The following GRID2 variants were observed in gnomAD, a reference collection of about 807,000 sequenced individuals.
GRID2 encodes glutamate ionotropic receptor delta type subunit 2, also known as glutamate receptor ionotropic, delta-2.
GRID2 carries 33 observed loss-of-function variants against 114.8 expected under a neutral mutation model. The observed-to-expected ratio is 0.29, with a 90% CI of 0.22 to 0.38. The LOEUF (loss-of-function observed/expected upper bound fraction) is 0.38, where lower values mean the gene tolerates loss of function less well. GRID2 is among the 10% of genes least tolerant of loss of function. The pLI, the probability that GRID2 is intolerant of heterozygous loss-of-function variation, is 1.00. For synonymous variants in GRID2, 505 were observed against 449.9 expected, an observed-to-expected ratio of 1.12 and a Z score of -1.55; for missense variants, 1,184 against 1,257.7, an observed-to-expected ratio of 0.94 and a Z score of 0.89.
chr4:93,006,595 GA>G (rs35210074), intron 2 of GRID2, among the ~76,000 whole-genome samples: 15 of 141,552 alleles, frequency 1.1e-4, no homozygotes, highest in South Asian at 4.4e-4. Context: ...AGGCCCTACT[GA>G]AAAAAAAAAG....
chr4:93,657,477 C>G (rs746935748), intron 14 of GRID2, among the ~76,000 whole-genome samples: 45 of 152,254 alleles, frequency 3.0e-4, no homozygotes, highest in Non-Finnish European at 5.7e-4. Context: ...TATCATGGAA[C>G]TATTCGATTT....
intron 14 of GRID2, among the ~76,000 whole-genome samples, chr4:93,626,856 A>G (rs1742780059): frequency 6.6e-6 from 1 of 152,220 alleles, no homozygotes; most frequent in Non-Finnish European, 1.5e-5. Flanking sequence ...GATGGACTGA[A>G]GCAGATAATG....
chr4:93,504,576 A>C (rs1728443742), intron 12 of GRID2, among the ~76,000 whole-genome samples: 1 of 152,092 alleles, frequency 6.6e-6, no homozygotes, highest in Non-Finnish European at 1.5e-5. Context: ...ATATGTGATA[A>C]TCACTCAGAG....
intron 2 of GRID2, among the ~76,000 whole-genome samples, chr4:92,992,178 A>G (rs544059781): frequency 1.3e-5 from 2 of 152,308 alleles, no homozygotes; most frequent in South Asian, 4.1e-4. Context: ...TTTATCTCAG[A>G]GGATGAGCCA....
intron 2 of GRID2, among the ~76,000 whole-genome samples, chr4:93,019,870 A>T (rs1282292543): frequency 6.6e-6 from 1 of 152,182 alleles, no homozygotes; most frequent in Non-Finnish European, 1.5e-5. Context: ...TACAGCCATT[A>T]TACATCCATA....
chr4:93,707,476 A>G (rs1018663359), intron 14 of GRID2, among the ~76,000 whole-genome samples: 2 of 151,916 alleles, frequency 1.3e-5, no homozygotes, highest in Non-Finnish European at 2.9e-5. Flanking sequence ...AGATTTTCCA[A>G]TTTGTTGGCA....
At chr4:93,685,953 C>T (rs1726041138) in intron 14 of GRID2, among the ~76,000 whole-genome samples, 1 of 152,026 alleles carries the variant, frequency 6.6e-6, no homozygotes, top group South Asian at 2.1e-4. Context: ...GATACAGTGT[C>T]TGACATAAGT....
chr4:93,780,371 T>A (rs1044296552), intron 1 of GRID2, among the ~76,000 whole-genome samples: 4 of 152,166 alleles, frequency 2.6e-5, no homozygotes, highest in African/African-American at 4.8e-5. Flanking sequence ...AGCGAGACGA[T>A]CAATTCAGCT....
intron 2 of GRID2, among the ~76,000 whole-genome samples, chr4:93,053,050 A>T (rs1726874358): frequency 6.6e-6 from 1 of 151,656 alleles, no homozygotes; most frequent in Non-Finnish European, 1.5e-5. Context: ...GAAGAAATGT[A>T]CTCCCCTACC....
chr4:93,236,484 A>T (rs1405024246), intron 7 of GRID2, among the ~76,000 whole-genome samples: 1 of 151,910 alleles, frequency 6.6e-6, no homozygotes, highest in East Asian at 1.9e-4. Flanking sequence ...GCTTCAGGAC[A>T]TTTTCTGAGG....
intron 1 of GRID2, among the ~76,000 whole-genome samples, chr4:92,466,895 C>T (rs1046120910): frequency 2.6e-5 from 4 of 151,466 alleles, no homozygotes; most frequent in Non-Finnish European, 4.4e-5. Context: ...AGGGCTAATA[C>T]GATAATTCCT....
At chr4:93,767,991 C>T (rs1487852705) in intron 14 of GRID2, among the ~76,000 whole-genome samples, 3 of 152,270 alleles carry the variant, frequency 2.0e-5, no homozygotes, top group Non-Finnish European at 4.4e-5. Context: ...ATGTGACTAG[C>T]CAGGAGGTCT....
chr4:92,978,192 C>T (rs1297918221), intron 2 of GRID2, among the ~76,000 whole-genome samples: 1 of 152,146 alleles, frequency 6.6e-6, no homozygotes, highest in African/African-American at 2.4e-5. Context: ...CCAAGACGCA[C>T]TGAATGTTTC....
At chr4:93,664,638 T>A (rs1436889128) in intron 14 of GRID2, among the ~76,000 whole-genome samples, 7 of 152,024 alleles carry the variant, frequency 4.6e-5, no homozygotes. Context: ...AGGAAGAATA[T>A]TTTGGGGTGG....
intron 4 of GRID2, among the ~76,000 whole-genome samples, chr4:93,191,933 TTCTA>T (rs1015178322): frequency 1.3e-5 from 2 of 152,212 alleles, no homozygotes; most frequent in Admixed American, 1.3e-4. Context: ...CCATAATATC[TTCTA>T]TCTATTTCTA....
rs10593127 is a variant in GRID2 at position 92,713,476 on chromosome 4, CATATATATATATATAT to C, written c.244+123217_244+123232del. Among the ~76,000 whole-genome samples the C allele has an allele frequency of 4.1e-3, 221 of 54,064 alleles. 1 individual carries two copies. The highest frequency in any genetic ancestry group is 0.013 in the African/African-American group (189 of 14,176). 35.5% of individuals were successfully genotyped at this position (54,064 alleles called of 152,430 possible). The stretch of plus-strand genomic sequence containing the variant: ...TTACATATATTTACATATACATATA[CATATATATATATATAT>C]ATATATATATATATATATATATATA... On this transcript the variant is annotated intron_variant, in intron 2 of 15. Transcript: ENST00000282020.
chr4:92,829,316 G>A (rs1741941229), intron 2 of GRID2, among the ~76,000 whole-genome samples: 1 of 151,900 alleles, frequency 6.6e-6, no homozygotes, highest in Admixed American at 6.6e-5. Context: ...CATTTATTGG[G>A]CCAACACACA....
At chr4:93,032,528 G>A (rs1174130492) in intron 2 of GRID2, among the ~76,000 whole-genome samples, 1 of 151,926 alleles carries the variant, frequency 6.6e-6, no homozygotes, top group Non-Finnish European at 1.5e-5. Flanking sequence ...ATATTCTAAG[G>A]AATAAAATAG....
At chr4:92,487,174 A>C (rs184429113) in intron 1 of GRID2, among the ~76,000 whole-genome samples, 1 of 151,890 alleles carries the variant, frequency 6.6e-6, no homozygotes, top group East Asian at 1.9e-4. Context: ...TCATTGATTT[A>C]TTTCTCATTT....
Sources: gnomAD v4.1 joint callset for allele counts (sites outside exome capture counted in the v4.1 genomes callset) on GRCh38, gnomAD v4.1.1 for gene constraint, MANE v1.5 for transcripts, NCBI Gene and HGNC (gene_info 2026-07-23, HGNC 2026-07-21) for gene names.